The following MACROD2 variants were observed in gnomAD, a reference collection of about 807,000 sequenced individuals.
MACROD2 encodes the protein mono-ADP ribosylhydrolase 2, also known as ADP-ribose glycohydrolase MACROD2.
A neutral mutation model predicts 70.4 loss-of-function variants in MACROD2; 36 were observed. The ratio of observed to expected loss-of-function variants is 0.51; its 90% CI spans 0.39 to 0.68. The LOEUF (loss-of-function observed/expected upper bound fraction) is 0.68. Among genes scored for constraint, MACROD2 ranks in the 30% least tolerant of loss-of-function variants. The probability of loss-of-function intolerance (pLI) is 0.00; values close to 1 mark genes in which losing one functional copy is unlikely to be tolerated. For synonymous variants in MACROD2, 172 were observed against 178.8 expected (o/e 0.96, Z 0.30); for missense variants, 496 against 538.4 (o/e 0.92, Z 0.78).
At chr20:15,501,898 T>C (rs1390015687) in intron 8 of MACROD2, among the ~76,000 whole-genome samples, 1 of 152,206 alleles carries the variant, frequency 6.6e-6, no homozygotes, top group Admixed American at 6.5e-5. Context: ...TAAAAGAGTA[T>C]TGCTTCTAAT....
chr20:14,321,136 G>A (rs2082656325), intron 3 of MACROD2, among the ~76,000 whole-genome samples: 1 of 152,022 alleles, frequency 6.6e-6, no homozygotes, highest in Non-Finnish European at 1.5e-5. Context: ...AGGCTGAGGT[G>A]GGTGGATCAC....
chr20:14,148,802 G>A (rs1161650537), intron 3 of MACROD2, among the ~76,000 whole-genome samples: 1 of 152,118 alleles, frequency 6.6e-6, no homozygotes, highest in East Asian at 1.9e-4. Flanking sequence ...CCACAATCCA[G>A]CAAATACTTT....
At chr20:15,302,628 A>G (rs904102526) in intron 6 of MACROD2, among the ~76,000 whole-genome samples, 2 of 152,208 alleles carry the variant, frequency 1.3e-5, no homozygotes, top group Admixed American at 1.3e-4. Flanking sequence ...ATTTCATCTT[A>G]TGGGATAAAT....
chr20:14,025,677 G>T (rs908477409), intron 2 of MACROD2, among the ~76,000 whole-genome samples: 2 of 152,184 alleles, frequency 1.3e-5, no homozygotes, highest in Admixed American at 1.3e-4. Flanking sequence ...TTAATCCTGA[G>T]TGTTAGTTTG....
chr20:14,117,665 C>T (rs1266152397), intron 3 of MACROD2, among the ~76,000 whole-genome samples: 1 of 152,180 alleles, frequency 6.6e-6, no homozygotes. Flanking sequence ...CTCACATTTT[C>T]ATGACTCTTC....
intron 3 of MACROD2, among the ~76,000 whole-genome samples, chr20:14,145,493 T>C (rs2054932815): frequency 6.6e-6 from 1 of 152,218 alleles, no homozygotes; most frequent in Non-Finnish European, 1.5e-5. Flanking sequence ...CCATTTGTGA[T>C]CATTATGCTT....
In MACROD2 at chr20:15,911,566, G is replaced by GA. The variant is rs372210925; in HGVS notation, c.776-21710_776-21709insA. On this transcript the variant is annotated intron_variant, in intron 10 of 17. Transcript: ENST00000684519. ...TGTGGAGAGAAGCTATATATAAGGT[G>GA]GACCCAGCCAGGATAAATGTGAAGG... Among the ~76,000 whole-genome samples, 434 of 152,106 alleles carry GA rather than the reference G, an allele frequency of 2.9e-3. 3 individuals carry two copies. The highest frequency in any genetic ancestry group is 9.8e-3 in the African/African-American group (406 of 41,402).
At chr20:14,863,183 A>G (rs2073391005) in intron 5 of MACROD2, among the ~76,000 whole-genome samples, 1 of 152,098 alleles carries the variant, frequency 6.6e-6, no homozygotes, top group Admixed American at 6.6e-5. Context: ...AGGAAGAAAA[A>G]CGAGATCCCT....
At chr20:14,970,597 T>TTATA (rs2074681775) in intron 5 of MACROD2, among the ~76,000 whole-genome samples, 1 of 152,158 alleles carries the variant, frequency 6.6e-6, no homozygotes, top group South Asian at 2.1e-4. Flanking sequence ...AATAATGTCT[T>TTATA]TATTTTTAAT....
At chr20:14,683,703 C>T (rs1271081463) in intron 4 of MACROD2, among the ~76,000 whole-genome samples, 2 of 152,024 alleles carry the variant, frequency 1.3e-5, no homozygotes, top group Admixed American at 1.3e-4. Context: ...TATCCAGCTT[C>T]GTCTTAAATA....
At chr20:14,055,507 CAAA>C (rs4052606) in intron 2 of MACROD2, among the ~76,000 whole-genome samples, 34 of 103,176 alleles carry the variant, frequency 3.3e-4, no homozygotes, top group African/African-American at 7.1e-4. Flanking sequence ...GTTTCAGGAG[CAAA>C]AAAAAAAAAA....
chr20:14,292,213 A>G (rs558218626), intron 3 of MACROD2, among the ~76,000 whole-genome samples: 12 of 152,050 alleles, frequency 7.9e-5, no homozygotes, highest in Non-Finnish European at 1.8e-4. Context: ...CTTACTAGCC[A>G]ACACTCATAC....
intron 5 of MACROD2, among the ~76,000 whole-genome samples, chr20:15,052,252 T>A (rs1422711497): frequency 6.6e-6 from 1 of 152,114 alleles, no homozygotes; most frequent in Non-Finnish European, 1.5e-5. Context: ...CCATCTATCT[T>A]TGTGTTCTCT....
intron 5 of MACROD2, among the ~76,000 whole-genome samples, chr20:14,727,622 C>T (rs555446677): frequency 6.6e-6 from 1 of 152,282 alleles, no homozygotes; most frequent in East Asian, 1.9e-4. Context: ...TCTCTTCAGT[C>T]TCATTTGCTG....
At chr20:14,790,877 A>G (rs1431166410) in intron 5 of MACROD2, among the ~76,000 whole-genome samples, 1 of 151,918 alleles carries the variant, frequency 6.6e-6, no homozygotes, top group Non-Finnish European at 1.5e-5. Context: ...CATTTCCTCA[A>G]TTGACTTTCA....
intron 3 of MACROD2, among the ~76,000 whole-genome samples, chr20:14,260,646 A>G (rs1159844590): frequency 6.6e-6 from 1 of 152,230 alleles, no homozygotes; most frequent in Admixed American, 6.5e-5. Flanking sequence ...GTGGCTTAGG[A>G]CACAGTCTGG....
chr20:14,058,233 G>A (rs1170389944), intron 2 of MACROD2, among the ~76,000 whole-genome samples: 1 of 151,862 alleles, frequency 6.6e-6, no homozygotes, highest in Non-Finnish European at 1.5e-5. Context: ...TCAAATTACG[G>A]TAAGCAAAAA....
chr20:15,551,796 G>T (rs1178312512), intron 8 of MACROD2, among the ~76,000 whole-genome samples: 3 of 149,490 alleles, frequency 2.0e-5, no homozygotes, highest in Non-Finnish European at 3.0e-5. Context: ...TGAGCCTGAG[G>T]AGGTCAAGGC....
chr20:15,021,124 G>GTGTGTA (rs2075169401), intron 5 of MACROD2, among the ~76,000 whole-genome samples: 1 of 99,908 alleles, frequency 1.0e-5, no homozygotes, highest in African/African-American at 4.2e-5. Flanking sequence ...GTATACACGT[G>GTGTGTA]TGTATACACA....
Sources: allele counts gnomAD v4.1 joint callset (sites outside exome capture counted in the v4.1 genomes callset), GRCh38; gene constraint gnomAD v4.1.1; transcripts MANE v1.5; gene names NCBI Gene and HGNC (gene_info 2026-07-23, HGNC 2026-07-21).